The following CNTNAP5 variants were observed in gnomAD, a reference collection of about 807,000 sequenced individuals.
CNTNAP5 encodes contactin-associated protein-like 5.
A neutral mutation model predicts 150.2 loss-of-function variants in CNTNAP5; 72 were observed. The ratio of observed to expected loss-of-function variants is 0.48; its 90% CI spans 0.40 to 0.58. The LOEUF is 0.58. CNTNAP5 is among the 20% of genes least tolerant of loss of function. The pLI is 0.00. For missense variants in CNTNAP5, 1,636 were observed against 1,626.2 expected, an observed-to-expected ratio of 1.01 and a Z score of -0.10; for synonymous variants, 672 against 619.8, an observed-to-expected ratio of 1.08 and a Z score of -1.25.
intron 13 of CNTNAP5, among the ~76,000 whole-genome samples, chr2:124,663,229 G>A (rs1028681978): frequency 1.3e-5 from 2 of 152,102 alleles, no homozygotes; most frequent in African/African-American, 2.4e-5. Context: ...AACAATCCTT[G>A]CTTAAATCAG....
Position 124,446,850 on chromosome 2 carries a change from G to A in CNTNAP5, c.831G>A (p.Val277=), listed in dbSNP as rs923061259. Residue 277 remains valine (V), a synonymous_variant, in exon 6 of 24, where the codon GTG becomes GTA. Coordinates refer to ENST00000682447, the MANE Select transcript of CNTNAP5 (RefSeq NM_001367498.1). ...GGCACTCGGTCCTCATTGAGCGGGT[G>A]GGCAAGCAGGTGAACTTCACGGTGG... ...QHWHSVLIER[V]GKQVNFTVDK... 2.5e-6 allele frequency: 4 copies of A among 1,613,772 alleles called. No homozygotes were observed. The highest frequency in any genetic ancestry group is 2.7e-5 in the African/African-American group (2 of 74,894).
At position 124,384,214 on chromosome 2, in the gene CNTNAP5, T is replaced by C. The variant is rs549985746; in HGVS notation, c.382-33229T>C. Among the ~76,000 whole-genome samples the C allele has an allele frequency of 2.6e-5, 4 of 152,336 alleles. No homozygotes were observed. The South Asian group carries it at 8.3e-4, about 32-fold the overall frequency. ...TGACATAATGAAGGTCAGATTTTTA[T>C]AAATACTCCAAGTGTGCTGCAGAAG... On this transcript the variant is annotated intron_variant, in intron 3 of 23. Coordinates refer to ENST00000682447, the MANE Select transcript of CNTNAP5 (RefSeq NM_001367498.1).
At chr2:124,747,987 T>C (rs1256177004) in intron 14 of CNTNAP5, among the ~76,000 whole-genome samples, 3 of 151,690 alleles carry the variant, frequency 2.0e-5, no homozygotes, top group African/African-American at 4.8e-5. Flanking sequence ...AGGAATGGCA[T>C]GCAATATTGA....
At chr2:124,269,888 T>A (rs954892127) in intron 3 of CNTNAP5, among the ~76,000 whole-genome samples, 3 of 152,194 alleles carry the variant, frequency 2.0e-5, no homozygotes, top group African/African-American at 7.2e-5. Flanking sequence ...ACTGGAAAGC[T>A]GGGCATTGTT....
intron 1 of CNTNAP5, among the ~76,000 whole-genome samples, chr2:124,145,401 CCAA>C (rs1284164314): frequency 4.8e-5 from 1 of 20,854 alleles, no homozygotes; most frequent in Non-Finnish European, 9.1e-5. Context: ...ACCCAAATGT[CCAA>C]CAATGATAGA....
chr2:124,280,182 AT>A (rs892315907), intron 3 of CNTNAP5, among the ~76,000 whole-genome samples: 11 of 150,418 alleles, frequency 7.3e-5, no homozygotes, highest in Admixed American at 1.3e-4. Context: ...ATATATATAC[AT>A]TTTTTTTTAT....
At chr2:124,277,068 A>G (rs1054665524) in intron 3 of CNTNAP5, among the ~76,000 whole-genome samples, 1 of 152,214 alleles carries the variant, frequency 6.6e-6, no homozygotes, top group Non-Finnish European at 1.5e-5. Flanking sequence ...TCTATCATAA[A>G]ATATTCCTTT....
intron 5 of CNTNAP5, among the ~76,000 whole-genome samples, chr2:124,439,469 G>A (rs981257510): frequency 1.3e-5 from 2 of 152,158 alleles, no homozygotes; most frequent in Non-Finnish European, 2.9e-5. Context: ...AATGTATTAA[G>A]ATAATGTTTT....
chr2:124,451,029 T>TAAAAAAAAAAAA (rs1156744323), intron 6 of CNTNAP5, among the ~76,000 whole-genome samples: 1 of 20,056 alleles, frequency 5.0e-5, no homozygotes, highest in African/African-American at 2.0e-4. Flanking sequence ...CCATGTCTCT[T>TAAAAAAAAAAAA]AAAAAAAAAA....
intron 11 of CNTNAP5, among the ~76,000 whole-genome samples, chr2:124,590,415 A>G (rs909393908): frequency 2.6e-5 from 4 of 152,272 alleles, no homozygotes; most frequent in Admixed American, 6.5e-5. Flanking sequence ...ACACCAAAAG[A>G]TCTATTTTCT....
intron 3 of CNTNAP5, among the ~76,000 whole-genome samples, chr2:124,384,287 C>T (rs1305064893): frequency 2.0e-5 from 3 of 152,134 alleles, no homozygotes; most frequent in African/African-American, 4.8e-5. Flanking sequence ...CATTGCACAA[C>T]ATTTTTCCTA....
chr2:124,894,516 C>G (rs1246429727), intron 21 of CNTNAP5, among the ~76,000 whole-genome samples: 1 of 151,006 alleles, frequency 6.6e-6, no homozygotes, highest in Non-Finnish European at 1.5e-5. Context: ...GATTTTATAT[C>G]AACGTGCAAA....
intron 3 of CNTNAP5, among the ~76,000 whole-genome samples, chr2:124,247,361 G>T (rs553584625): frequency 2.1e-4 from 32 of 151,198 alleles, no homozygotes; most frequent in Non-Finnish European, 2.7e-4. Context: ...CCATTTCTGG[G>T]TGTGCAGAAC....
chr2:124,247,932 C>T (rs1015831383), intron 3 of CNTNAP5, among the ~76,000 whole-genome samples: 2 of 152,082 alleles, frequency 1.3e-5, no homozygotes, highest in Non-Finnish European at 2.9e-5. Context: ...TTAAATGGTT[C>T]TCTCCTTTGT....
At chr2:124,673,330 C>T (rs1471813416) in intron 13 of CNTNAP5, among the ~76,000 whole-genome samples, 2 of 152,008 alleles carry the variant, frequency 1.3e-5, no homozygotes, top group African/African-American at 4.8e-5. Context: ...GCAGTGATGG[C>T]ACTGATGACG....
chr2:124,324,973 A>G (rs1689182042), intron 3 of CNTNAP5, among the ~76,000 whole-genome samples: 1 of 152,218 alleles, frequency 6.6e-6, no homozygotes, highest in Non-Finnish European at 1.5e-5. Flanking sequence ...AGAGTTTCAC[A>G]CTTAATGAAA....
chr2:124,223,788 G>A (rs1179944768), intron 2 of CNTNAP5, among the ~76,000 whole-genome samples: 1 of 151,514 alleles, frequency 6.6e-6, no homozygotes, highest in African/African-American at 2.4e-5. Flanking sequence ...TCCAAGGCTA[G>A]CATAAATGTA....
At chr2:124,201,019 C>T (rs1278164106) in intron 1 of CNTNAP5, among the ~76,000 whole-genome samples, 1 of 152,170 alleles carries the variant, frequency 6.6e-6, no homozygotes, top group African/African-American at 2.4e-5. Context: ...GAAAAGGAGG[C>T]ATCCTGCTAC....
chr2:124,730,766 G>A (rs1442531806), intron 13 of CNTNAP5, among the ~76,000 whole-genome samples: 1 of 151,800 alleles, frequency 6.6e-6, no homozygotes, highest in Non-Finnish European at 1.5e-5. Flanking sequence ...ACCTTTGTGG[G>A]GTATTATGGA....
Sources: gnomAD v4.1 joint callset for allele counts (sites outside exome capture counted in the v4.1 genomes callset) on GRCh38, gnomAD v4.1.1 for gene constraint, MANE v1.5 for transcripts, NCBI Gene and HGNC (gene_info 2026-07-23, HGNC 2026-07-21) for gene names.